The following COPS4 variants were observed in gnomAD, a reference collection of about 807,000 sequenced individuals.
COPS4 encodes COP9 signalosome subunit 4.
A neutral mutation model predicts 55.1 loss-of-function variants in COPS4; 8 were observed. The observed-to-expected ratio is 0.15, with a 90% CI of 0.09 to 0.26. The LOEUF is 0.26. COPS4 is among the 10% of genes least tolerant of loss of function. COPS4 has a pLI of 1.00. For missense variants in COPS4, 248 were observed against 484.0 expected (o/e 0.51, Z 4.58); for synonymous variants, 185 against 165.7 (o/e 1.12, Z -0.90).
chr4:83,058,610 A>G (rs1397439146), intron 6 of COPS4, among the ~76,000 whole-genome samples: 1 of 152,186 alleles, frequency 6.6e-6, no homozygotes, highest in Non-Finnish European at 1.5e-5. Context: ...TCTTTTTCTA[A>G]AGAACTTTTA....
chr4:83,041,259 C>T (rs1230009198), intron 1 of COPS4, among the ~76,000 whole-genome samples: 2 of 151,848 alleles, frequency 1.3e-5, no homozygotes, highest in East Asian at 3.9e-4. Flanking sequence ...GACAGAGTTT[C>T]ACCATGTTGG....
At chr4:83,060,780 A>T (rs1731146363) in intron 6 of COPS4, among the ~76,000 whole-genome samples, 1 of 151,158 alleles carries the variant, frequency 6.6e-6, no homozygotes, top group Admixed American at 6.6e-5. Context: ...CACGCCTGTA[A>T]TCCCAGCACT....
chr4:83,074,461 G>GT (rs66793416), intron 9 of COPS4, among the ~76,000 whole-genome samples: 2,246 of 130,912 alleles, frequency 0.017, 71 homozygotes, highest in African/African-American at 0.054. Flanking sequence ...TTTTTTAGAG[G>GT]TTTTTTTTTT....
At chr4:83,069,795 GT>G (rs1192403798) in intron 9 of COPS4, among the ~76,000 whole-genome samples, 1 of 151,952 alleles carries the variant, frequency 6.6e-6, no homozygotes, top group African/African-American at 2.4e-5. Flanking sequence ...CTTCCTTCGT[GT>G]TTTACTGCAG....
At chr4:83,057,548 A>C in intron 6 of COPS4, 140 bp downstream of exon 6, 1 of 609,552 alleles carries the variant, frequency 1.6e-6, no homozygotes, top group Admixed American at 3.5e-5. Context: ...ATGTAGTTTA[A>C]GTGTTTAAAA....
At chr4:83,064,692 T>C (rs1731251090) in intron 7 of COPS4, among the ~76,000 whole-genome samples, 1 of 151,606 alleles carries the variant, frequency 6.6e-6, no homozygotes, top group Admixed American at 6.6e-5. Flanking sequence ...ACAAAGTAAC[T>C]GGGACTGCAG....
intron 8 of COPS4, 25 bp downstream of exon 8, chr4:83,066,578 TA>T (rs757338591): frequency 3.8e-5 from 43 of 1,129,376 alleles, no homozygotes; most frequent in Middle Eastern, 2.3e-4. Flanking sequence ...CCAATACATT[TA>T]AAAAAAAGTT....
chr4:83,042,155 G>A (rs1336546440), intron 1 of COPS4, among the ~76,000 whole-genome samples: 2 of 152,116 alleles, frequency 1.3e-5, no homozygotes, highest in African/African-American at 2.4e-5. Flanking sequence ...GTGAGCCACC[G>A]CACCTGACCA....
rs756354944 is a variant in COPS4 at position 83,035,195 on chromosome 4, C to G, written c.-30C>G. 6.5e-7 allele frequency: 1 copy of G among 1,534,068 alleles called. No homozygotes were observed. Among genetic ancestry groups the G allele is most frequent in the African/African-American group, 1.4e-5 (1 of 72,984 alleles). ...CGTTTTCTTTTTGGCTGCCAGAGGC[C>G]CCCGCATCCACCGCTGAGCTGGGAG... On this transcript the variant is annotated 5_prime_UTR_variant, in exon 1 of 10. Transcript: ENST00000264389.
At chr4:83,041,859 A>G (rs1730576536) in intron 1 of COPS4, among the ~76,000 whole-genome samples, 1 of 151,288 alleles carries the variant, frequency 6.6e-6, no homozygotes, top group African/African-American at 2.4e-5. Flanking sequence ...GTATTATTGT[A>G]ATTTAATACT....
At chr4:83,069,307 G>A (rs1731362585) in intron 9 of COPS4, among the ~76,000 whole-genome samples, 2 of 152,054 alleles carry the variant, frequency 1.3e-5, no homozygotes, top group Non-Finnish European at 2.9e-5. Flanking sequence ...TCTCACTCTG[G>A]CCATAACCTT....
Position 83,037,550 on chromosome 4 carries a change from G to A in COPS4, c.74+2252G>A, listed in dbSNP as rs931477214. 2.6e-5 allele frequency among the ~76,000 whole-genome samples: 4 copies of A among 152,302 alleles called. No individual in the cohort carries two copies. The East Asian group carries it at 7.7e-4, about 29-fold the overall frequency. On this transcript the variant is annotated intron_variant, in intron 1 of 9. Transcript: ENST00000264389. ...TCTTGGCCTTGCCTGCATTTCCTATGTGGGCAAGAATGTAGCAGGATATTT... is the reference window on the plus strand; with the variant it reads ...TCTTGGCCTTGCCTGCATTTCCTATATGGGCAAGAATGTAGCAGGATATTT...
chr4:83,045,676 T>C lies in COPS4; in HGVS notation c.125T>C (p.Leu42Pro). 1 of 1,613,036 alleles carries C rather than the reference T, an allele frequency of 6.2e-7. No homozygotes were observed. Among genetic ancestry groups the C allele is most frequent in the South Asian group, 1.1e-5 (1 of 91,024 alleles). The change falls in exon 2 of 10, where the codon CTA (leucine) becomes CCA (proline). Residue 42 changes from leucine to proline, a missense_variant. Leu to Pro is a moderately conservative substitution (Grantham distance 98). Coordinates refer to ENST00000264389, the MANE Select transcript of COPS4 (RefSeq NM_016129.3). ...KAIQLSGAEQ[L>P]EALKAFVEAM... Reference sequence around the variant, plus strand: ...ATTCAGTTATCTGGAGCAGAACAACTAGAAGCTTTGAAAGCTTTTGTGGAA... The same window carrying C: ...ATTCAGTTATCTGGAGCAGAACAACCAGAAGCTTTGAAAGCTTTTGTGGAA...
rs577539136 is a variant in COPS4, at chr4:83,075,192, T to C, written c.1088-105T>C. 13 of 935,316 alleles carry C rather than the reference T, an allele frequency of 1.4e-5. No homozygotes were observed. The East Asian group carries it at 3.4e-4, about 24-fold the overall frequency. 57.9% of individuals were successfully genotyped at this position (935,316 alleles called of 1,614,324 possible). On this transcript the variant is annotated intron_variant, in intron 9 of 9. Transcript: ENST00000264389. ...GTTTTTTAGGTATTTAAAAGGAACA[T>C]GCCTCTTCCAAGAATAGGCATGTAA...
intron 4 of COPS4, 128 bp from the exon 5 acceptor site, chr4:83,056,798 C>CAA: frequency 1.4e-6 from 1 of 721,108 alleles, no homozygotes; most frequent in Non-Finnish European, 2.2e-6. Context: ...GACTCCATCT[C>CAA]AAAAAAAAAG....
intron 9 of COPS4, among the ~76,000 whole-genome samples, chr4:83,071,749 G>C (rs1039026049): frequency 6.6e-6 from 1 of 150,908 alleles, no homozygotes; most frequent in Admixed American, 6.6e-5. Context: ...GTCTTGCTCT[G>C]TTGCCAGACT....
chr4:83,064,076 C>T (rs1731239375), intron 7 of COPS4, among the ~76,000 whole-genome samples: 1 of 152,096 alleles, frequency 6.6e-6, no homozygotes, highest in South Asian at 2.1e-4. Flanking sequence ...TGGCTCATGC[C>T]TGTAATCCCA....
intron 4 of COPS4, among the ~76,000 whole-genome samples, chr4:83,054,939 T>A (rs1169363360): frequency 3.3e-5 from 5 of 152,146 alleles, no homozygotes; most frequent in African/African-American, 1.2e-4. Context: ...TGGCAAAAAA[T>A]TGGAAAATTC....
Position 83,059,046 on chromosome 4 carries a change from C to T in COPS4, c.715+1638C>T, listed in dbSNP as rs906536580. On this transcript the variant is annotated intron_variant, in intron 6 of 9. Coordinates refer to ENST00000264389, the MANE Select transcript of COPS4 (RefSeq NM_016129.3). ...TTGATGAATGCTCTTGAGCATTTTTCGTATGTTTAAAAAAATTGTTGAAAA... is the reference window on the plus strand; with the variant it reads ...TTGATGAATGCTCTTGAGCATTTTTTGTATGTTTAAAAAAATTGTTGAAAA... Among the ~76,000 whole-genome samples the T allele has an allele frequency of 1.7e-4, 26 of 151,296 alleles. 1 individual carries two copies. Among genetic ancestry groups the T allele is most frequent in the Admixed American group, 7.9e-4 (12 of 15,130 alleles).
Sources: gnomAD v4.1 joint callset for allele counts (sites outside exome capture counted in the v4.1 genomes callset) on GRCh38, gnomAD v4.1.1 for gene constraint, MANE v1.5 for transcripts, NCBI Gene and HGNC (gene_info 2026-07-23, HGNC 2026-07-21) for gene names.